The following RNF38 variants were observed in gnomAD, a reference collection of about 807,000 sequenced individuals.
RNF38 encodes the protein E3 ubiquitin-protein ligase RNF38.
In RNF38, 15 loss-of-function variants were observed where a neutral mutation model predicts 67.2. That is an observed-to-expected ratio of 0.22 (90% CI 0.15 to 0.34). The LOEUF (loss-of-function observed/expected upper bound fraction) is 0.34, where lower values mean the gene tolerates loss of function less well. RNF38 is among the 10% of genes least tolerant of loss of function. The pLI, the probability that RNF38 is intolerant of heterozygous loss-of-function variation, is 1.00. For missense variants in RNF38, 524 were observed against 639.9 expected, an observed-to-expected ratio of 0.82 and a Z score of 1.95; for synonymous variants, 220 against 218.8, an observed-to-expected ratio of 1.01 and a Z score of -0.05.
At chr9:36,375,196 GTT>G (rs781500852) in intron 3 of RNF38, among the ~76,000 whole-genome samples, 2 of 151,890 alleles carry the variant, frequency 1.3e-5, no homozygotes, top group Admixed American at 6.6e-5. Context: ...GTTGTTTTTT[GTT>G]TTGTTTTTTA....
intron 6 of RNF38, among the ~76,000 whole-genome samples, chr9:36,355,666 T>C (rs1021284030): frequency 6.6e-6 from 1 of 152,212 alleles, no homozygotes; most frequent in African/African-American, 2.4e-5. Context: ...CTAAAAACTT[T>C]TCTTCAGATT....
chr9:36,476,289 T>C (rs967969831), intron 1 of RNF38, among the ~76,000 whole-genome samples: 6 of 151,970 alleles, frequency 3.9e-5, no homozygotes, highest in African/African-American at 1.4e-4. Flanking sequence ...TGGCTAATTT[T>C]TGTATTTTAG....
At position 36,344,960 on chromosome 9, in the gene RNF38, C is replaced by T. The variant is rs376635303; in HGVS notation, c.1264-7G>A. 1.8e-5 allele frequency: 29 copies of T among 1,596,566 alleles called. No individual in the cohort carries two copies. In the South Asian group the frequency reaches 2.3e-4, roughly 13 times the overall value. ...CTGCCAGGTTTAACAGGGCCTGCAG[C>T]GGTAAAAGACGACATATTTTCATCT... is the stretch of plus-strand genomic sequence containing the variant. On this transcript the variant is annotated splice_polypyrimidine_tract_variant and splice_region_variant and intron_variant, in intron 9 of 11. Coordinates refer to ENST00000259605, the MANE Select transcript of RNF38 (RefSeq NM_022781.5).
At chr9:36,400,027 A>T in intron 1 of RNF38, 70 bp downstream of exon 1, 1 of 1,396,056 alleles carries the variant, frequency 7.2e-7, no homozygotes, top group Non-Finnish European at 1.0e-6. Context: ...CTTACGGTAG[A>T]ATTAGCATAC....
chr9:36,466,726 C>T (rs906881500), intron 1 of RNF38, among the ~76,000 whole-genome samples: 1 of 152,164 alleles, frequency 6.6e-6, no homozygotes, highest in Non-Finnish European at 1.5e-5. Flanking sequence ...CACAACACTA[C>T]ATGAATATAC....
At chr9:36,340,861 A>G (rs530950038) in intron 11 of RNF38, among the ~76,000 whole-genome samples, 2 of 152,304 alleles carry the variant, frequency 1.3e-5, no homozygotes, top group East Asian at 3.9e-4. Flanking sequence ...TGCCAGACAC[A>G]TAAGCATCAC....
chr9:36,412,918 C>A (rs1342533442), intron 2 of RNF38, among the ~76,000 whole-genome samples: 1 of 152,110 alleles, frequency 6.6e-6, no homozygotes, highest in East Asian at 1.9e-4. Context: ...ACTAAAAATA[C>A]AAAATTAGCC....
chr9:36,402,258 T>C (rs572994149), upstream of RNF38, among the ~76,000 whole-genome samples: 3 of 152,226 alleles, frequency 2.0e-5, no homozygotes, highest in African/African-American at 7.2e-5. Flanking sequence ...AAACCCATAC[T>C]CGAATTATGT....
At chr9:36,397,999 T>C (rs773368000) in intron 1 of RNF38, among the ~76,000 whole-genome samples, 2 of 152,104 alleles carry the variant, frequency 1.3e-5, no homozygotes, top group African/African-American at 4.8e-5. Context: ...CACACACATA[T>C]AATTACTTAC....
chr9:36,356,625 A>AT (rs1430140808), intron 5 of RNF38, 152 bp from the exon 6 acceptor site: 14 of 553,938 alleles, frequency 2.5e-5, no homozygotes, highest in East Asian at 9.6e-5. Flanking sequence ...ATACCAGTGT[A>AT]TTTTTTAATC....
chr9:36,401,216 G>GGCGGGGCTGCGCGCGGC, upstream of RNF38: 2 of 983,236 alleles, frequency 2.0e-6, no homozygotes, highest in Non-Finnish European at 2.4e-6. Flanking sequence ...GGCGGGGCGG[G>GGCGGGGCTGCGCGCGGC]GCGGGGCTGC....
chr9:36,414,096 A>G (rs1838398676), intron 2 of RNF38, among the ~76,000 whole-genome samples: 1 of 152,146 alleles, frequency 6.6e-6, no homozygotes, highest in Admixed American at 6.6e-5. Context: ...TGCATGGAAT[A>G]TCTTTTTTCA....
intron 1 of RNF38, among the ~76,000 whole-genome samples, chr9:36,460,084 T>A (rs2134369969): frequency 6.6e-6 from 1 of 152,308 alleles, no homozygotes. Flanking sequence ...CCAAAATCAG[T>A]GCTCCCAATT....
intron 3 of RNF38, among the ~76,000 whole-genome samples, chr9:36,373,173 C>T (rs1835517468): frequency 6.6e-6 from 1 of 152,172 alleles, no homozygotes; most frequent in Non-Finnish European, 1.5e-5. Context: ...CACCATTGCA[C>T]TCCAGCCTGG....
Position 36,376,149 on chromosome 9 carries a change from T to C in RNF38, c.163-22A>G, listed in dbSNP as rs910040974. 3.9e-6 allele frequency: 6 copies of C among 1,524,104 alleles called. No homozygotes were observed. The African/African-American group carries it at 7.1e-5, about 18-fold the overall frequency. 94.4% of individuals were successfully genotyped at this position (1,524,104 alleles called of 1,614,324 possible). The stretch of plus-strand genomic sequence containing the variant: ...CACTCTGCCAATGCAACAAAATGGA[T>C]CAACTGAGTAAGATCTTTTAAAGAT... On this transcript the variant is annotated intron_variant, in intron 2 of 11. Transcript: ENST00000259605.
chr9:36,392,437 A>G (rs1837185061), intron 1 of RNF38, among the ~76,000 whole-genome samples: 1 of 152,162 alleles, frequency 6.6e-6, no homozygotes, highest in Admixed American at 6.5e-5. Flanking sequence ...CAAGAATTAC[A>G]TTAGGAATAT....
At chr9:36,421,074 G>A (rs1444238354) in intron 2 of RNF38, among the ~76,000 whole-genome samples, 1 of 152,170 alleles carries the variant, frequency 6.6e-6, no homozygotes, top group Non-Finnish European at 1.5e-5. Flanking sequence ...CTGAACTGTG[G>A]TTCCATCCCC....
chr9:36,351,069 C>T, intron 9 of RNF38, 46 bp downstream of exon 9: 1 of 1,339,814 alleles, frequency 7.5e-7, no homozygotes, highest in Non-Finnish European at 1.1e-6. Flanking sequence ...ATAATACTTT[C>T]ATGCACACAA....
intron 1 of RNF38, among the ~76,000 whole-genome samples, chr9:36,450,596 C>A (rs1023385015): frequency 6.6e-6 from 1 of 152,154 alleles, no homozygotes; most frequent in Non-Finnish European, 1.5e-5. Flanking sequence ...CTAACTTAAT[C>A]ATCACTATAC....
Sources: allele counts gnomAD v4.1 joint callset (sites outside exome capture counted in the v4.1 genomes callset), GRCh38; gene constraint gnomAD v4.1.1; transcripts MANE v1.5; gene names NCBI Gene and HGNC (gene_info 2026-07-23, HGNC 2026-07-21).